Variants in ART3 observed in about 807,000 individuals in gnomAD.
ART3 encodes ADP-ribosyltransferase 3 (inactive), also known as ecto-ADP-ribosyltransferase 3.
A neutral mutation model predicts 48.5 loss-of-function variants in ART3; 49 were observed. The observed-to-expected ratio is 1.01, with a 90% CI of 0.80 to 1.28. The LOEUF (loss-of-function observed/expected upper bound fraction) is 1.28. ART3 is among the 50% of genes most tolerant of loss of function. The pLI is 0.00. For missense variants in ART3, 438 were observed against 454.3 expected (o/e 0.96, Z 0.33); for synonymous variants, 145 against 157.2 (o/e 0.92, Z 0.58).
chr4:76,097,560 A>G, intron 3 of ART3, 84 bp from the exon 4 acceptor site: 1 of 1,162,984 alleles, frequency 8.6e-7, no homozygotes, highest in Non-Finnish European at 1.3e-6. Flanking sequence ...CTGACAGATT[A>G]GGTTACCAAC....
At chr4:76,097,814 T>A in intron 4 of ART3, 138 bp downstream of exon 4, 2 of 696,944 alleles carry the variant, frequency 2.9e-6, no homozygotes, top group Non-Finnish European at 4.9e-6. Flanking sequence ...GTGCTACTAC[T>A]GCTAGTACCT....
intron 11 of ART3, among the ~76,000 whole-genome samples, chr4:76,111,097 T>G (rs1362779578): frequency 6.6e-6 from 1 of 152,210 alleles, no homozygotes; most frequent in Non-Finnish European, 1.5e-5. Flanking sequence ...CATGGCCACC[T>G]CCTGTTGCTA....
At chr4:76,061,377 T>G (rs1012251400) in intron 1 of ART3, among the ~76,000 whole-genome samples, 1 of 152,168 alleles carries the variant, frequency 6.6e-6, no homozygotes, top group Non-Finnish European at 1.5e-5. Context: ...TGATACCAAA[T>G]CATTTTGATT....
chr4:76,069,804 T>C (rs750630814), upstream of ART3, among the ~76,000 whole-genome samples: 8 of 151,296 alleles, frequency 5.3e-5, no homozygotes, highest in Non-Finnish European at 1.0e-4. Flanking sequence ...TTTTGACTAT[T>C]ATATTTATAG....
In ART3 at chr4:76,112,502, C is replaced by T. The variant is rs1442616353; in HGVS notation, c.1153C>T (p.Leu385Phe). The change falls in exon 12 of 12, where the codon CTC becomes TTC. Residue 385 changes from leucine to phenylalanine, a missense_variant. Leu to Phe is a conservative substitution (Grantham distance 22, BLOSUM62 0). Around this residue, in one of 3 missense-constraint regions of ART3, gnomAD observed 227 missense variants for 229.6 expected, o/e 0.99. Transcript: ENST00000355810. Reference sequence around the variant, plus strand: ...TTTAATCAGTGTTTCTGCTATAAATCTCTTTGTTGCTCTGTAGTTTGATGC... The same window carrying T: ...TTTAATCAGTGTTTCTGCTATAAATTTCTTTGTTGCTCTGTAGTTTGATGC... The part of the protein sequence containing the change: ...IILISVSAIN[L>F]FVAL The T allele has an allele frequency of 2.5e-6, 4 of 1,613,316 alleles. No homozygotes were observed. The highest frequency in any genetic ancestry group is 1.7e-5 in the Admixed American group (1 of 59,912).
chr4:76,018,833 G>T (rs2149363027), intron 1 of ART3, among the ~76,000 whole-genome samples: 1 of 152,162 alleles, frequency 6.6e-6, no homozygotes, highest in Middle Eastern at 3.4e-3. Flanking sequence ...TTTGAGACCA[G>T]CCTGGGCAAC....
At chr4:76,049,512 C>T (rs948748187) in intron 1 of ART3, among the ~76,000 whole-genome samples, 4 of 151,924 alleles carry the variant, frequency 2.6e-5, no homozygotes, top group South Asian at 2.1e-4. Flanking sequence ...GGCAAACCAA[C>T]GGTCCCAACT....
intron 1 of ART3, among the ~76,000 whole-genome samples, chr4:76,058,249 C>T (rs1192792838): frequency 2.6e-5 from 4 of 152,170 alleles, no homozygotes; most frequent in Admixed American, 2.6e-4. Flanking sequence ...AACTCAAAAA[C>T]TGTCAGCTAT....
chr4:76,097,151 G>A (rs1333996597), intron 3 of ART3, among the ~76,000 whole-genome samples: 2 of 152,140 alleles, frequency 1.3e-5, no homozygotes, highest in Non-Finnish European at 2.9e-5. Context: ...TTTTGTCAGA[G>A]GTCATATGGC....
intron 9 of ART3, 153 bp from the exon 10 acceptor site, chr4:76,104,444 G>T: frequency 1.0e-6 from 1 of 985,384 alleles, no homozygotes; most frequent in Non-Finnish European, 1.2e-6. Flanking sequence ...TATAATAAGG[G>T]TTTACGTAAG....
intron 1 of ART3, among the ~76,000 whole-genome samples, chr4:76,053,401 G>T: frequency 7.9e-6 from 1 of 127,170 alleles, no homozygotes; most frequent in African/African-American, 3.0e-5. Context: ...CTACCTTTTT[G>T]GTAGAAGAGT....
intron 1 of ART3, among the ~76,000 whole-genome samples, chr4:76,016,486 G>T (rs1001259372): frequency 7.2e-5 from 11 of 152,146 alleles, no homozygotes; most frequent in Admixed American, 2.0e-4. Context: ...CACACCTGTG[G>T]CCACCACCAC....
At chr4:76,098,837 T>C in intron 4 of ART3, 118 bp from the exon 5 acceptor site, 1 of 808,700 alleles carries the variant, frequency 1.2e-6, no homozygotes, top group Non-Finnish European at 1.9e-6. Flanking sequence ...TGTATTTTTA[T>C]GTTTCTTAAA....
intron 1 of ART3, among the ~76,000 whole-genome samples, chr4:76,038,921 C>T (rs976084276): frequency 1.3e-5 from 2 of 151,898 alleles, no homozygotes; most frequent in African/African-American, 4.8e-5. Context: ...TGGTGTTTAG[C>T]CATGTTGGCC....
At chr4:76,045,653 G>A (rs921004406) in intron 1 of ART3, among the ~76,000 whole-genome samples, 2 of 151,988 alleles carry the variant, frequency 1.3e-5, no homozygotes, top group African/African-American at 4.8e-5. Flanking sequence ...CTGTCCTGTG[G>A]GAAGGCTTAA....
chr4:76,036,035 T>A (rs747293649), intron 1 of ART3: 4 of 1,567,064 alleles, frequency 2.6e-6, no homozygotes, highest in Non-Finnish European at 3.5e-6. Context: ...TACTTCAGCT[T>A]TGCTGCTCTT....
intron 1 of ART3, chr4:76,021,754 T>G: frequency 1.5e-6 from 1 of 685,518 alleles, no homozygotes; most frequent in Non-Finnish European, 2.7e-6. Context: ...ACATTAACCT[T>G]CCTACAGGAG....
intron 9 of ART3, 92 bp from the exon 10 acceptor site, chr4:76,104,504 GT>G: frequency 1.3e-6 from 2 of 1,544,006 alleles, no homozygotes; most frequent in Non-Finnish European, 8.7e-7. Context: ...GGGGCCTTGG[GT>G]GCTTGCATCT....
intron 10 of ART3, among the ~76,000 whole-genome samples, chr4:76,105,259 G>T (rs1039902896): frequency 6.6e-6 from 1 of 152,180 alleles, no homozygotes; most frequent in African/African-American, 2.4e-5. Context: ...CAGCCACCGA[G>T]CATGGTGGGA....
Sources: allele counts gnomAD v4.1 joint callset (sites outside exome capture counted in the v4.1 genomes callset), GRCh38; gene constraint gnomAD v4.1.1; regional missense constraint gnomAD v4.1.1; transcripts MANE v1.5; gene names NCBI Gene and HGNC (gene_info 2026-07-23, HGNC 2026-07-21).